The following ARHGDIB variants were observed in gnomAD, a reference collection of about 807,000 sequenced individuals.
ARHGDIB encodes rho GDP-dissociation inhibitor 2.
A neutral mutation model predicts 22.6 loss-of-function variants in ARHGDIB; 20 were observed. The ratio of observed to expected loss-of-function variants is 0.88; its 90% confidence interval spans 0.62 to 1.28. The LOEUF (loss-of-function observed/expected upper bound fraction) is 1.28, where lower values mean the gene tolerates loss of function less well. Among genes scored for constraint, ARHGDIB ranks in the 50% most tolerant of loss-of-function variants. The pLI is 0.00. For synonymous variants in ARHGDIB, 114 were observed against 96.1 expected (o/e 1.19, Z -1.09); for missense variants, 254 against 245.4 (o/e 1.04, Z -0.23).
Position 14,952,030 on chromosome 12 carries a change from A to G in ARHGDIB, c.-12-1306T>C, listed in dbSNP as rs144213423. ...ATTGTTTTCTGATTTCCTTAATTCT[A>G]TCTTGAGGGTAACTCTTTTCCCTGC... On this transcript the variant is annotated intron_variant, in intron 1 of 5. Transcript: ENST00000228945. 1.2e-4 allele frequency among the ~76,000 whole-genome samples: 19 copies of G among 152,260 alleles called. No individual in the cohort carries two copies. The East Asian group carries it at 3.3e-3, about 26-fold the overall frequency.
chr12:14,944,879 G>A (rs1863974312), intron 4 of ARHGDIB, 40 bp from the exon 5 acceptor site: 8 of 1,579,760 alleles, frequency 5.1e-6, no homozygotes, highest in Middle Eastern at 3.4e-4. Flanking sequence ...GATTAAGAGG[G>A]TCTTTCATTT....
rs932041374 is a variant in ARHGDIB, at chr12:14,951,024, G to A, written c.-12-300C>T. Reference sequence around the variant, plus strand: ...AACGTACTACGAGTGAAGCAACATGGCACAAAGACTCCTGAACAAATGAAG... The same window carrying A: ...AACGTACTACGAGTGAAGCAACATGACACAAAGACTCCTGAACAAATGAAG... On this transcript the variant is annotated intron_variant, in intron 1 of 5. Coordinates refer to ENST00000228945, the MANE Select transcript of ARHGDIB (RefSeq NM_001175.7). 3 of 193,084 alleles carry A rather than the reference G, an allele frequency of 1.6e-5. No homozygotes were observed. The South Asian group carries it at 3.5e-4, about 22-fold the overall frequency. The allele number at this position is 193,084 out of a possible 1,614,324, so 12.0% of individuals were successfully genotyped here.
chr12:14,949,199 C>G (rs1864106101), intron 3 of ARHGDIB, among the ~76,000 whole-genome samples: 1 of 152,158 alleles, frequency 6.6e-6, no homozygotes, highest in Non-Finnish European at 1.5e-5. Flanking sequence ...CACAATAACC[C>G]CCTTCCCAGT....
At chr12:14,955,441 T>G (rs1230452990) in intron 1 of ARHGDIB, among the ~76,000 whole-genome samples, 1 of 152,194 alleles carries the variant, frequency 6.6e-6, no homozygotes, top group Non-Finnish European at 1.5e-5. Context: ...TGAATCAATT[T>G]CTTAAAAAGT....
chr12:14,944,630 G>A (rs947792892), intron 5 of ARHGDIB, 146 bp downstream of exon 5: 1 of 666,330 alleles, frequency 1.5e-6, no homozygotes, highest in East Asian at 2.8e-5. Context: ...TATATCAGAG[G>A]TGTATTTGTG....
chr12:14,953,715 T>C (rs906231901), intron 1 of ARHGDIB, among the ~76,000 whole-genome samples: 3 of 152,142 alleles, frequency 2.0e-5, no homozygotes, highest in Non-Finnish European at 2.9e-5. Flanking sequence ...ATAGACTTAT[T>C]TGGGTTCAAG....
intron 1 of ARHGDIB, among the ~76,000 whole-genome samples, chr12:14,952,277 C>A (rs368039272): frequency 9.9e-4 from 126 of 127,194 alleles, no homozygotes; most frequent in Non-Finnish European, 1.1e-3. Context: ...TTAATGGAAC[C>A]AAAAAAAAAA....
chr12:14,951,442 T>C (rs1314020460), intron 1 of ARHGDIB, among the ~76,000 whole-genome samples: 1 of 152,232 alleles, frequency 6.6e-6, no homozygotes, highest in Non-Finnish European at 1.5e-5. Flanking sequence ...TATATAAGGT[T>C]TTATATCTAA....
In ARHGDIB at chr12:14,942,172, A is replaced by G. The variant is rs1863877605; in HGVS notation, c.*350T>C. The G allele has an allele frequency of 3.6e-6, 1 of 276,076 alleles. No individual in the cohort carries two copies. The highest frequency in any genetic ancestry group is 4.3e-5 in the South Asian group (1 of 23,444). The allele number at this position is 276,076 out of a possible 1,614,324, so 17.1% of individuals were successfully genotyped here. A position where few individuals can be genotyped will look rare whatever the true frequency, so the allele number is the denominator to read the frequency against. ...AAGAATCTAGGCATTAGAATGAACT[A>G]CTGGAACCTGAGTCAAAGACCTGTT... On this transcript the variant is annotated 3_prime_UTR_variant, in exon 6 of 6. Transcript: ENST00000228945.
At chr12:14,959,335 G>A (rs1592297439) in intron 1 of ARHGDIB, among the ~76,000 whole-genome samples, 1 of 152,218 alleles carries the variant, frequency 6.6e-6, no homozygotes, top group South Asian at 2.1e-4. Context: ...GGAGGATCAC[G>A]TGAGCCTCCT....
intron 3 of ARHGDIB, among the ~76,000 whole-genome samples, chr12:14,948,225 G>T (rs1217373178): frequency 2.6e-5 from 4 of 151,702 alleles, no homozygotes; most frequent in Non-Finnish European, 4.4e-5. Context: ...AAATACACAA[G>T]ACATTACAAA....
intron 3 of ARHGDIB, among the ~76,000 whole-genome samples, 188 bp downstream of exon 3, chr12:14,949,614 A>G (rs1311362442): frequency 1.3e-5 from 2 of 152,240 alleles, no homozygotes; most frequent in African/African-American, 4.8e-5. Context: ...TTAAATAGAG[A>G]TAAAGATTGG....
chr12:14,943,306 TA>T (rs1485913392), intron 5 of ARHGDIB, among the ~76,000 whole-genome samples: 2 of 152,074 alleles, frequency 1.3e-5, no homozygotes, highest in Non-Finnish European at 2.9e-5. Flanking sequence ...TCAGTGTTTT[TA>T]AAAAACTACA....
At chr12:14,952,045 C>G (rs1864188515) in intron 1 of ARHGDIB, among the ~76,000 whole-genome samples, 1 of 152,142 alleles carries the variant, frequency 6.6e-6, no homozygotes, top group Non-Finnish European at 1.5e-5. Flanking sequence ...GAGGGTAACT[C>G]TTTTCCCTGC....
intron 4 of ARHGDIB, among the ~76,000 whole-genome samples, chr12:14,946,153 C>A (rs1019651733): frequency 6.6e-6 from 1 of 152,092 alleles, no homozygotes; most frequent in African/African-American, 2.4e-5. Flanking sequence ...TTCTTCTGCC[C>A]ACATCCCCAT....
In ARHGDIB at chr12:14,958,746, A is replaced by G. The variant is rs553172864; in HGVS notation, c.-13+2791T>C. Among the ~76,000 whole-genome samples the G allele has an allele frequency of 2.0e-5, 3 of 152,334 alleles. No homozygotes were observed. The South Asian group carries it at 6.2e-4, about 32-fold the overall frequency. ...TTTTATGACCGTTTGTGCTAAGATT[A>G]TTAGGCTCTTTAAGAAAGCCCAAGT... On this transcript the variant is annotated intron_variant, in intron 1 of 5. Coordinates refer to ENST00000228945, the MANE Select transcript of ARHGDIB (RefSeq NM_001175.7).
At chr12:14,954,439 A>C (rs188341475) in intron 1 of ARHGDIB, among the ~76,000 whole-genome samples, 14 of 152,352 alleles carry the variant, frequency 9.2e-5, no homozygotes, top group Admixed American at 2.0e-4. Context: ...CCAGGTGCAC[A>C]TGGGTGCAGG....
chr12:14,945,513 T>C (rs1863993026), intron 4 of ARHGDIB, among the ~76,000 whole-genome samples: 1 of 152,224 alleles, frequency 6.6e-6, no homozygotes, highest in South Asian at 2.1e-4. Flanking sequence ...AGAACTTTGT[T>C]TTTCCATGAT....
intron 3 of ARHGDIB, among the ~76,000 whole-genome samples, chr12:14,948,551 T>C (rs1864085186): frequency 1.3e-5 from 2 of 152,230 alleles, no homozygotes; most frequent in African/African-American, 4.8e-5. Context: ...ACTGAAGTTA[T>C]AAAAGCTTCA....
Sources: allele counts gnomAD v4.1 joint callset (sites outside exome capture counted in the v4.1 genomes callset), GRCh38; gene constraint gnomAD v4.1.1; transcripts MANE v1.5; gene names NCBI Gene and HGNC (gene_info 2026-07-23, HGNC 2026-07-21).